NTN3: variants seen among roughly 807,000 people sequenced by gnomAD.
The protein encoded by NTN3 is netrin-3.
NTN3 carries 44 observed loss-of-function variants against 37.2 expected under a neutral mutation model. The observed-to-expected ratio is 1.18, with a 90% CI of 0.93 to 1.52. The LOEUF (loss-of-function observed/expected upper bound fraction) is 1.52, where lower values mean the gene tolerates loss of function less well. Among genes scored for constraint, NTN3 ranks in the 40% most tolerant of loss-of-function variants. NTN3 has a pLI of 0.00. For missense variants in NTN3, 882 were observed against 857.3 expected, an observed-to-expected ratio of 1.03 and a Z score of -0.36; for synonymous variants, 385 against 376.0, an observed-to-expected ratio of 1.02 and a Z score of -0.28.
Position 2,473,025 on chromosome 16 carries a change from C to G in NTN3, c.1158C>G (p.Cys386Trp). 2 of 1,610,266 alleles carry G rather than the reference C, an allele frequency of 1.2e-6. No individual in the cohort carries two copies. Among genetic ancestry groups the G allele is most frequent in the Non-Finnish European group, 1.7e-6 (2 of 1,178,650 alleles). Residue 386 changes from cysteine (C) to tryptophan (W), a missense_variant, in exon 3 of 6, where the codon TGC becomes TGG. Transcript: ENST00000293973. ...CHPVGAAGKT[C>W]NQTTGQCPCK... ...CGGTTGGTGCTGCTGGCAAGACCTG[C>G]AACCAGACCACAGGCCAGTGTCCCT... is the stretch of plus-strand genomic sequence containing the variant.
In NTN3 at chr16:2,472,494, C is replaced by T; in HGVS notation, c.793C>T (p.Leu265=). Residue 265 remains leucine (L), a synonymous_variant, in exon 1 of 6, where the codon CTG becomes TTG. Coordinates refer to ENST00000293973, the MANE Select transcript of NTN3 (RefSeq NM_006181.3). ...GTGCAATGGACATGCCTCACGGTGC[C>T]TGCTGGACACACAGGGCCACCTGAT... ...CKCNGHASRC[L]LDTQGHLICD... 3 of 1,595,116 alleles carry T rather than the reference C, an allele frequency of 1.9e-6. No individual in the cohort carries two copies. Among genetic ancestry groups the T allele is most frequent in the Non-Finnish European group, 2.6e-6 (3 of 1,164,470 alleles).
At position 2,471,808 on chromosome 16, in the gene NTN3, C is replaced by CG. The variant is rs2065522339; in HGVS notation, c.108dup (p.Pro37AlafsTer80). The CG allele has an allele frequency of 7.2e-7, 1 of 1,390,282 alleles. No individual in the cohort carries two copies. Among genetic ancestry groups the CG allele is most frequent in the Non-Finnish European group, 9.2e-7 (1 of 1,081,268 alleles). 86.1% of individuals were successfully genotyped at this position (1,390,282 alleles called of 1,614,324 possible). On this transcript the variant is annotated frameshift_variant, in exon 1 of 6. Transcript: ENST00000293973. LOFTEE classifies it high-confidence loss of function. ...GACCCCTGCCACGATGAGGGGGGTG[C>CG]GCCCCGCGGCTGCGTGCCAGGACTG...
At position 2,472,585 on chromosome 16, in the gene NTN3, G is replaced by GA. The variant is rs779523096; in HGVS notation, c.884_885insA (p.Pro296AlafsTer72). On this transcript the variant is annotated frameshift_variant, in exon 1 of 6. Coordinates refer to ENST00000293973, the MANE Select transcript of NTN3 (RefSeq NM_006181.3). LOFTEE classifies it high-confidence loss of function. Reference sequence around the variant, plus strand: ...CGCTGCAAGCCCTTCTACTGCGACAGGCCATGGCAGCGGGCCACTGCCCGG... The same window carrying GA: ...CGCTGCAAGCCCTTCTACTGCGACAGAGCCATGGCAGCGGGCCACTGCCCGG... 1 of 1,598,392 alleles carries GA rather than the reference G, an allele frequency of 6.3e-7. No individual in the cohort carries two copies. The highest frequency in any genetic ancestry group is 8.5e-7 in the Non-Finnish European group (1 of 1,172,200).
chr16:2,472,323 A>C lies in NTN3; in HGVS notation c.622A>C (p.Ser208Arg). Reference protein sequence around the residue: ...SSPPGLDLDSSPVLQDWVTAT... With the variant: ...SSPPGLDLDSRPVLQDWVTAT... ...CCCCCCAGGCCTGGACCTGGACAGC[A>C]GCCCAGTGCTCCAAGACTGGGTGAC... Residue 208 changes from serine to arginine, a missense_variant, in exon 1 of 6, where the codon AGC (serine) becomes CGC (arginine). Ser to Arg is a moderately radical substitution (Grantham distance 110). Transcript: ENST00000293973. 6.2e-7 allele frequency: 1 copy of C among 1,610,250 alleles called. No individual in the cohort carries two copies. The highest frequency in any genetic ancestry group is 1.3e-5 in the African/African-American group (1 of 75,026).
In NTN3 at chr16:2,471,756, C is replaced by T; in HGVS notation, c.55C>T (p.Leu19=). The change falls in exon 1 of 6, where the codon CTG becomes TTG. Residue 19 remains leucine (L), a synonymous_variant. Transcript: ENST00000293973. ...GACGGCAGGCACGCTCTTCGCCGCCCTGAGTCCTGGGCCGCCGGCGCCCGC... is the reference window on the plus strand; with the variant it reads ...GACGGCAGGCACGCTCTTCGCCGCCTTGAGTCCTGGGCCGCCGGCGCCCGC... The part of the protein sequence containing the change: ...LLTAGTLFAA[L]SPGPPAPADP... 7.2e-7 allele frequency: 1 copy of T among 1,391,040 alleles called. No homozygotes were observed. The highest frequency in any genetic ancestry group is 2.6e-4 in the Middle Eastern group (1 of 3,870). The allele number at this position is 1,391,040 out of a possible 1,614,324, so 86.2% of individuals were successfully genotyped here.
Position 2,472,094 on chromosome 16 carries a change from C to A in NTN3, c.393C>A (p.Ser131=). The change falls in exon 1 of 6, where the codon TCC becomes TCA. Residue 131 remains serine, a synonymous_variant. Transcript: ENST00000293973. ...GCTTCTGCTCAGCTCCCCCAGCCTC[C>A]GTGGCCCTGCTCAAGTCTCAGGACC... ...SLRFCSAPPA[S]VALLKSQDHG... is the part of the protein sequence containing the mutation. 6.2e-7 allele frequency: 1 copy of A among 1,606,506 alleles called. No individual in the cohort carries two copies. The highest frequency in any genetic ancestry group is 8.5e-7 in the Non-Finnish European group (1 of 1,177,374).
At chr16:2,473,613 C>A in intron 5 of NTN3, 110 bp downstream of exon 5, 1 of 1,316,068 alleles carries the variant, frequency 7.6e-7, no homozygotes. Context: ...GGCCCCAAGG[C>A]CCATCCTCAT....
At chr16:2,473,583 G>C in intron 5 of NTN3, 80 bp downstream of exon 5, 1 of 1,461,086 alleles carries the variant, frequency 6.8e-7, no homozygotes, top group Non-Finnish European at 9.5e-7. Context: ...CTTCCCCTTG[G>C]AACGCCTTGA....
intron 3 of NTN3, 58 bp from the exon 4 acceptor site, chr16:2,473,210 G>A (rs944686812): frequency 8.0e-5 from 128 of 1,602,686 alleles, no homozygotes; most frequent in South Asian, 2.0e-4. Context: ...TCTATTCCCC[G>A]AGCCCTGCAG....
At chr16:2,472,938 A>C in intron 2 of NTN3, 47 bp from the exon 3 acceptor site, 1 of 1,578,372 alleles carries the variant, frequency 6.3e-7, no homozygotes, top group East Asian at 2.3e-5. Flanking sequence ...GACTTCCCAG[A>C]TCCCCAGACA....
In NTN3 at chr16:2,472,290, G is replaced by T. The variant is rs753405348; in HGVS notation, c.589G>T (p.Asp197Tyr). The change falls in exon 1 of 6, where the codon GAC (aspartate) becomes TAC (tyrosine). Residue 197 changes from aspartate to tyrosine, a missense_variant. Physicochemically the swap from Asp to Tyr is radical, Grantham distance 160. Transcript: ENST00000293973. ...CGGCCTTCTGGCCTTCAGCATGCAG[G>T]ACAGCAGCCCCCCAGGCCTGGACCT... Reference protein sequence around the residue: ...GSGLLAFSMQDSSPPGLDLDS... With the variant: ...GSGLLAFSMQYSSPPGLDLDS... 6.2e-7 allele frequency: 1 copy of T among 1,607,792 alleles called. No individual in the cohort carries two copies. Among genetic ancestry groups the T allele is most frequent in the South Asian group, 1.1e-5 (1 of 90,716 alleles).
At position 2,472,591 on chromosome 16, in the gene NTN3, G is replaced by A. The variant is rs751935358; in HGVS notation, c.890G>A (p.Trp297Ter). The A allele has an allele frequency of 1.3e-6, 2 of 1,598,070 alleles. No homozygotes were observed. Among genetic ancestry groups the A allele is most frequent in the Middle Eastern group, 1.7e-4 (1 of 6,008 alleles). ...RCKPFYCDRP[W>*]QRATARESHA... ...AAGCCCTTCTACTGCGACAGGCCATGGCAGCGGGCCACTGCCCGGGAATCC... is the reference window on the plus strand; with the variant it reads ...AAGCCCTTCTACTGCGACAGGCCATAGCAGCGGGCCACTGCCCGGGAATCC... The change falls in exon 1 of 6, where the codon TGG (tryptophan) becomes TAG (stop). Residue 297 changes from tryptophan (W) to a stop codon, truncating the protein, a stop_gained. Transcript: ENST00000293973. LOFTEE classifies it high-confidence loss of function.
rs1471312295 is a variant in NTN3 at position 2,471,825 on chromosome 16, C to T, written c.124C>T (p.Pro42Ser). Residue 42 changes from proline (P) to serine (S), a missense_variant, in exon 1 of 6, where the codon CCA becomes TCA. Coordinates refer to ENST00000293973, the MANE Select transcript of NTN3 (RefSeq NM_006181.3). ...GGGGGGTGCGCCCCGCGGCTGCGTG[C>T]CAGGACTGGTGAACGCCGCCCTGGG... Reference protein sequence around the residue: ...DEGGAPRGCVPGLVNAALGRE... With the variant: ...DEGGAPRGCVSGLVNAALGRE... The T allele has an allele frequency of 7.7e-6, 11 of 1,429,762 alleles. No individual in the cohort carries two copies. The highest frequency in any genetic ancestry group is 1.0e-5 in the Non-Finnish European group (11 of 1,102,448). The allele number at this position is 1,429,762 out of a possible 1,614,324, so 88.6% of individuals were successfully genotyped here. A position where few individuals can be genotyped will look rare whatever the true frequency, so the allele number is the denominator to read the frequency against.
intron 2 of NTN3, 28 bp downstream of exon 2, chr16:2,472,917 C>T (rs2065531188): frequency 3.2e-6 from 5 of 1,582,808 alleles, no homozygotes; most frequent in African/African-American, 1.3e-5. Flanking sequence ...ACCTGCAGGC[C>T]CTCACCCTCT....
In NTN3 at chr16:2,472,706, T is replaced by G; in HGVS notation, c.934T>G (p.Ser312Ala). The change falls in exon 2 of 6, where the codon TCC becomes GCC. Residue 312 changes from serine (S) to alanine (A), a missense_variant. Ser to Ala is a moderately conservative substitution (Grantham distance 99). Coordinates refer to ENST00000293973, the MANE Select transcript of NTN3 (RefSeq NM_006181.3). ...ARESHACLAC[S>A]CNGHARRCRF... is the part of the protein sequence containing the mutation. ...TGACCCATCCCTCCCTGCAGCTTGCTCCTGCAACGGCCATGCCCGCCGCTG... is the reference window on the plus strand; with the variant it reads ...TGACCCATCCCTCCCTGCAGCTTGCGCCTGCAACGGCCATGCCCGCCGCTG... 6.2e-7 allele frequency: 1 copy of G among 1,608,728 alleles called. No homozygotes were observed. Among genetic ancestry groups the G allele is most frequent in the Non-Finnish European group, 8.5e-7 (1 of 1,179,306 alleles).
chr16:2,474,102 C>T lies in NTN3; in HGVS notation c.1740C>T (p.Ala580=). 3 of 1,207,792 alleles carry T rather than the reference C, an allele frequency of 2.5e-6. No individual in the cohort carries two copies. Among genetic ancestry groups the T allele is most frequent in the Non-Finnish European group, 2.1e-6 (2 of 972,086 alleles). The allele number at this position is 1,207,792 out of a possible 1,614,324, so 74.8% of individuals were successfully genotyped here. A position where few individuals can be genotyped will look rare whatever the true frequency, so the allele number is the denominator to read the frequency against. ...AACGGCGGGGGCGCTGCAGCGCCGC[C>T]TGAGCCCGCCGGCTGGGCAGGGCGG... ...RRERRGRCSA[A] Residue 580 remains alanine, a synonymous_variant, in exon 6 of 6, where the codon GCC becomes GCT. Transcript: ENST00000293973.
chr16:2,473,592 G>T, intron 5 of NTN3, 89 bp downstream of exon 5: 1 of 1,422,140 alleles, frequency 7.0e-7, no homozygotes, highest in South Asian at 1.2e-5. Context: ...GGAACGCCTT[G>T]ACCCTTGCTG....
In NTN3 at chr16:2,472,628, C is replaced by T. The variant is rs748107203; in HGVS notation, c.927C>T (p.Leu309=). ...CTGCCCGGGAATCCCACGCCTGCCTCGGTGAGGCCTTGGAGGGTGGCCTGG... is the reference window on the plus strand; with the variant it reads ...CTGCCCGGGAATCCCACGCCTGCCTTGGTGAGGCCTTGGAGGGTGGCCTGG... The part of the protein sequence containing the change: ...RATARESHAC[L]ACSCNGHARR... Residue 309 remains leucine (L), a splice_region_variant and synonymous_variant, in exon 1 of 6, where the codon CTC becomes CTT. Coordinates refer to ENST00000293973, the MANE Select transcript of NTN3 (RefSeq NM_006181.3). 2.8e-5 allele frequency: 45 copies of T among 1,596,356 alleles called. No homozygotes were observed. Among genetic ancestry groups the T allele is most frequent in the Middle Eastern group, 1.7e-4 (1 of 5,996 alleles).
In NTN3 at chr16:2,471,881, G is replaced by A; in HGVS notation, c.180G>A (p.Gly60=). The change falls in exon 1 of 6, where the codon GGG becomes GGA. Residue 60 remains glycine (G), a synonymous_variant. Coordinates refer to ENST00000293973, the MANE Select transcript of NTN3 (RefSeq NM_006181.3). The stretch of plus-strand genomic sequence containing the variant: ...AGGTGCTGGCTTCCAGCACGTGCGG[G>A]CGGCCGGCCACTCGGGCCTGCGACG... ...GREVLASSTC[G]RPATRACDAS... The A allele has an allele frequency of 6.8e-7, 1 of 1,476,518 alleles. No homozygotes were observed. Among genetic ancestry groups the A allele is most frequent in the Non-Finnish European group, 9.0e-7 (1 of 1,112,344 alleles). The allele number at this position is 1,476,518 out of a possible 1,614,324, so 91.5% of individuals were successfully genotyped here. A position where few individuals can be genotyped will look rare whatever the true frequency, so the allele number is the denominator to read the frequency against.
Sources: allele counts gnomAD v4.1 joint callset, GRCh38; gene constraint gnomAD v4.1.1; transcripts MANE v1.5; gene names NCBI Gene and HGNC (gene_info 2026-07-23, HGNC 2026-07-21).